Variants in ME3 observed in about 807,000 individuals in gnomAD.
The protein encoded by ME3 is malic enzyme 3, also known as NADP-dependent malic enzyme, mitochondrial.
ME3 carries 48 observed loss-of-function variants against 68.9 expected under a neutral mutation model. That is an observed-to-expected ratio of 0.70 (90% CI 0.55 to 0.89). The LOEUF is 0.89. ME3 is among the 40% of genes least tolerant of loss of function. The pLI is 0.00. For missense variants in ME3, 675 were observed against 797.4 expected (o/e 0.85, Z 1.85); for synonymous variants, 320 against 318.8 (o/e 1.00, Z -0.04).
intron 2 of ME3, among the ~76,000 whole-genome samples, chr11:86,625,451 G>A (rs1198304580): frequency 6.6e-6 from 1 of 152,158 alleles, no homozygotes; most frequent in Admixed American, 6.5e-5. Context: ...ATCACCAGCT[G>A]GAAAGCACTC....
chr11:86,550,340 C>G (rs750131822), intron 4 of ME3, among the ~76,000 whole-genome samples: 1 of 152,060 alleles, frequency 6.6e-6, no homozygotes, highest in Non-Finnish European at 1.5e-5. Context: ...CAGCAGAACC[C>G]TACCACTGTT....
At chr11:86,533,862 G>C (rs1366976891) in intron 4 of ME3, among the ~76,000 whole-genome samples, 1 of 151,966 alleles carries the variant, frequency 6.6e-6, no homozygotes, top group Non-Finnish European at 1.5e-5. Context: ...TACACACCTA[G>C]GCTACATGAT....
At chr11:86,620,103 A>G (rs144413795) in intron 2 of ME3, among the ~76,000 whole-genome samples, 1 of 152,206 alleles carries the variant, frequency 6.6e-6, no homozygotes, top group African/African-American at 2.4e-5. Context: ...CACAAATCCT[A>G]TTTTCCCTTA....
chr11:86,620,963 G>A (rs4144866), intron 2 of ME3, among the ~76,000 whole-genome samples: 58,608 of 151,886 alleles, frequency 0.39, 11,969 homozygotes, highest in East Asian at 0.7. Flanking sequence ...CATGCTTGTG[G>A]TTGGTTAAGT....
chr11:86,590,210 TC>T (rs1241221601), intron 2 of ME3, among the ~76,000 whole-genome samples: 2 of 152,154 alleles, frequency 1.3e-5, no homozygotes, highest in Non-Finnish European at 2.9e-5. Context: ...TGCAGAGACT[TC>T]CATGACTTCA....
At chr11:86,460,711 T>A (rs949717692) in intron 8 of ME3, among the ~76,000 whole-genome samples, 2 of 152,226 alleles carry the variant, frequency 1.3e-5, no homozygotes, top group Non-Finnish European at 2.9e-5. Context: ...CTCTCACCCC[T>A]TCACTCCCAA....
At chr11:86,536,740 G>T (rs1290816079) in intron 4 of ME3, among the ~76,000 whole-genome samples, 1 of 150,186 alleles carries the variant, frequency 6.7e-6, no homozygotes, top group Non-Finnish European at 1.5e-5. Flanking sequence ...ATTCCTCAGG[G>T]ATCTAGATCT....
At chr11:86,593,569 G>A (rs1453318949) in intron 2 of ME3, among the ~76,000 whole-genome samples, 1 of 146,324 alleles carries the variant, frequency 6.8e-6, no homozygotes, top group African/African-American at 2.5e-5. Flanking sequence ...GGAATTTTCT[G>A]ATACATTTTC....
chr11:86,642,562 G>A (rs1389335582), intron 2 of ME3, among the ~76,000 whole-genome samples: 1 of 152,204 alleles, frequency 6.6e-6, no homozygotes, highest in African/African-American at 2.4e-5. Flanking sequence ...TTTGCCAGGT[G>A]TGGTGGCCTG....
At chr11:86,460,726 C>T (rs1950187823) in intron 8 of ME3, among the ~76,000 whole-genome samples, 1 of 152,252 alleles carries the variant, frequency 6.6e-6, no homozygotes, top group East Asian at 1.9e-4. Flanking sequence ...TCCCAACCCT[C>T]TGTGGTTCTG....
intron 2 of ME3, among the ~76,000 whole-genome samples, chr11:86,666,311 G>A (rs1325148757): frequency 6.6e-6 from 1 of 152,162 alleles, no homozygotes; most frequent in African/African-American, 2.4e-5. Context: ...GCAGAGGTAA[G>A]ACCTGTCATC....
chr11:86,554,806 G>A (rs1170102391), intron 4 of ME3, among the ~76,000 whole-genome samples: 2 of 152,190 alleles, frequency 1.3e-5, no homozygotes, highest in Non-Finnish European at 2.9e-5. Flanking sequence ...TACTTGCCAA[G>A]TATTGGTCTA....
Position 86,446,497 on chromosome 11 carries a change from G to A in ME3, c.1381-10C>T, listed in dbSNP as rs201911397. On this transcript the variant is annotated splice_polypyrimidine_tract_variant and intron_variant, in intron 12 of 14. Transcript: ENST00000543262. ...CAAAAATCCCTCGGCCCTGGAGGCA[G>A]GAAGAAAACCAGAGATGAACTTGGA... 9.7e-5 allele frequency: 157 copies of A among 1,613,998 alleles called. No homozygotes were observed. In the African/African-American group the frequency reaches 1.8e-3, roughly 18 times the overall value.
At chr11:86,447,308 T>C in intron 11 of ME3, 101 bp from the exon 12 acceptor site, 1 of 1,484,268 alleles carries the variant, frequency 6.7e-7, no homozygotes. Context: ...CATGAAAGAC[T>C]CGGTCTTGGG....
intron 3 of ME3, 45 bp downstream of exon 3, chr11:86,559,645 C>G (rs751343913): frequency 8.9e-6 from 14 of 1,570,402 alleles, no homozygotes; most frequent in Non-Finnish European, 1.1e-5. Flanking sequence ...AAACAGACAG[C>G]TCAGCCCAAG....
rs1302240558 is a variant in ME3 at position 86,555,476 on chromosome 11, A to T, written c.467+1077T>A. ...ATGTTGAAGACCAGAACTGTTATGG[A>T]GCCCTGGCATAGTGAGCCTCTATAG... On this transcript the variant is annotated intron_variant, in intron 4 of 14. Transcript: ENST00000543262. 4.6e-5 allele frequency among the ~76,000 whole-genome samples: 7 copies of T among 152,180 alleles called. No homozygotes were observed. In the East Asian group the frequency reaches 1.3e-3, roughly 29 times the overall value.
At chr11:86,505,527 C>T (rs1447757061) in intron 5 of ME3, among the ~76,000 whole-genome samples, 1 of 151,446 alleles carries the variant, frequency 6.6e-6, no homozygotes, top group African/African-American at 2.4e-5. Flanking sequence ...GTTTAGGGGT[C>T]GAATCATTTG....
At chr11:86,653,785 C>CA (rs1345247346) in intron 2 of ME3, among the ~76,000 whole-genome samples, 7 of 152,028 alleles carry the variant, frequency 4.6e-5, no homozygotes, top group Non-Finnish European at 7.4e-5. Context: ...AAAATCCCTT[C>CA]AAAAAATCAA....
At chr11:86,546,059 T>C (rs1473129858) in intron 4 of ME3, among the ~76,000 whole-genome samples, 2 of 152,164 alleles carry the variant, frequency 1.3e-5, no homozygotes, top group African/African-American at 4.8e-5. Context: ...AAACAAGCAA[T>C]GGGGAAAGGA....
Sources: gnomAD v4.1 joint callset for allele counts (sites outside exome capture counted in the v4.1 genomes callset) on GRCh38, gnomAD v4.1.1 for gene constraint, MANE v1.5 for transcripts, NCBI Gene and HGNC (gene_info 2026-07-23, HGNC 2026-07-21) for gene names.